The following KCNIP4 variants were observed in gnomAD, a reference collection of about 807,000 sequenced individuals.
The protein encoded by KCNIP4 is potassium voltage-gated channel interacting protein 4, also known as Kv channel-interacting protein 4.
In KCNIP4, 12 loss-of-function variants were observed where a neutral mutation model predicts 34.0. That is an observed-to-expected ratio of 0.35 (90% CI 0.23 to 0.57). The LOEUF (loss-of-function observed/expected upper bound fraction) is 0.57. KCNIP4 is among the 20% of genes least tolerant of loss of function. The pLI, the probability that KCNIP4 is intolerant of heterozygous loss-of-function variation, is 0.83. For missense variants in KCNIP4, 238 were observed against 311.7 expected, an observed-to-expected ratio of 0.76 and a Z score of 1.78; for synonymous variants, 124 against 102.2, an observed-to-expected ratio of 1.21 and a Z score of -1.29.
At chr4:20,878,714 A>G (rs1422300967) in intron 2 of KCNIP4, among the ~76,000 whole-genome samples, 1 of 152,220 alleles carries the variant, frequency 6.6e-6, no homozygotes, top group East Asian at 1.9e-4. Context: ...TATGTAAATA[A>G]GTTTACAGTA....
intron 1 of KCNIP4, among the ~76,000 whole-genome samples, chr4:21,625,350 T>C (rs1745252014): frequency 3.3e-5 from 5 of 152,084 alleles, no homozygotes; most frequent in Admixed American, 2.6e-4. Flanking sequence ...TGTCTATAAT[T>C]ACTATTTATA....
At chr4:21,278,808 C>T (rs1872458) in intron 1 of KCNIP4, among the ~76,000 whole-genome samples, 37,506 of 152,060 alleles carry the variant, frequency 0.25, 4,789 homozygotes, top group South Asian at 0.35. Flanking sequence ...GCAAATTATA[C>T]ATATACAGAA....
chr4:21,178,815 C>CTTTTTTTTTTT (rs10611485), intron 1 of KCNIP4, among the ~76,000 whole-genome samples: 8 of 136,780 alleles, frequency 5.8e-5, no homozygotes, highest in Non-Finnish European at 6.3e-5. Flanking sequence ...TAACACCAAA[C>CTTTTTTTTTTT]TTTTTTTTTT....
intron 1 of KCNIP4, among the ~76,000 whole-genome samples, chr4:21,815,491 T>C (rs963376536): frequency 6.6e-6 from 1 of 152,058 alleles, no homozygotes; most frequent in African/African-American, 2.4e-5. Context: ...GAGTTATTTA[T>C]GTAAGTGATG....
At position 21,761,185 on chromosome 4, in the gene KCNIP4, T is replaced by C. The variant is rs1372604601; in HGVS notation, c.61+187386A>G. 2.0e-5 allele frequency among the ~76,000 whole-genome samples: 3 copies of C among 152,060 alleles called. No homozygotes were observed. In the East Asian group the frequency reaches 5.8e-4, roughly 29 times the overall value. On this transcript the variant is annotated intron_variant, in intron 1 of 8. Transcript: ENST00000382152. The stretch of plus-strand genomic sequence containing the variant: ...AGCATGATCATAACTCACTATAGCC[T>C]CAAACTCCTGAGTTCAAGTGATCCA...
intron 1 of KCNIP4, among the ~76,000 whole-genome samples, chr4:21,592,853 C>T (rs149928053): frequency 6.6e-6 from 1 of 151,900 alleles, no homozygotes; most frequent in Non-Finnish European, 1.5e-5. Context: ...GTGTTTGAAG[C>T]GAGAAAGGAA....
intron 1 of KCNIP4, among the ~76,000 whole-genome samples, chr4:21,280,861 C>G (rs772841203): frequency 1.1e-4 from 16 of 152,018 alleles, no homozygotes; most frequent in Non-Finnish European, 2.1e-4. Flanking sequence ...TTATGTGGGC[C>G]ATAGTGGTTT....
intron 1 of KCNIP4, among the ~76,000 whole-genome samples, chr4:21,535,171 C>T (rs1737047646): frequency 6.6e-6 from 1 of 152,094 alleles, no homozygotes; most frequent in South Asian, 2.1e-4. Context: ...TTAAATTAGG[C>T]TTAAATCAGG....
At position 21,673,700 on chromosome 4, in the gene KCNIP4, G is replaced by A. The variant is rs571281564; in HGVS notation, c.61+274871C>T. ...ATAACTTTGAATCAACTATACTACC[G>A]TACTATACAGACTTGAACTAGCTAG... On this transcript the variant is annotated intron_variant, in intron 1 of 8. Coordinates refer to ENST00000382152, the MANE Select transcript of KCNIP4 (RefSeq NM_025221.6). Among the ~76,000 whole-genome samples, 29 of 152,114 alleles carry A rather than the reference G, an allele frequency of 1.9e-4. 1 individual carries two copies. The highest frequency in any genetic ancestry group is 6.3e-4 in the African/African-American group (26 of 41,514).
chr4:20,893,623 G>A (rs930248133), intron 1 of KCNIP4, among the ~76,000 whole-genome samples: 4 of 148,278 alleles, frequency 2.7e-5, no homozygotes, highest in Admixed American at 1.3e-4. Flanking sequence ...GGGGTCTTGC[G>A]ATGTTGCCCA....
intron 2 of KCNIP4, among the ~76,000 whole-genome samples, chr4:20,868,049 C>T (rs955507039): frequency 4.0e-5 from 6 of 151,778 alleles, no homozygotes; most frequent in African/African-American, 1.5e-4. Flanking sequence ...ATCAACAAAG[C>T]CAACAGGTAA....
chr4:21,585,289 GCCT>G (rs1359081262), intron 1 of KCNIP4, among the ~76,000 whole-genome samples: 38 of 152,034 alleles, frequency 2.5e-4, no homozygotes, highest in African/African-American at 8.9e-4. Flanking sequence ...TAGAGACCTG[GCCT>G]GGTCCAGGAA....
At chr4:21,287,614 A>G (rs2109192487) in intron 1 of KCNIP4, among the ~76,000 whole-genome samples, 1 of 152,258 alleles carries the variant, frequency 6.6e-6, no homozygotes, top group Non-Finnish European at 1.5e-5. Flanking sequence ...CCTACTAGTT[A>G]CTTACGTAAG....
At chr4:21,719,167 T>A (rs1472000144) in intron 1 of KCNIP4, 2 of 152,074 alleles carry the variant, frequency 1.3e-5, no homozygotes, top group South Asian at 2.1e-4. Flanking sequence ...CAGATACACA[T>A]CTTCAGTACA....
chr4:20,835,515 C>A (rs758578914), intron 3 of KCNIP4, among the ~76,000 whole-genome samples: 10 of 151,948 alleles, frequency 6.6e-5, no homozygotes, highest in Non-Finnish European at 1.0e-4. Flanking sequence ...TTAATCATAC[C>A]TAAAGTATTT....
intron 1 of KCNIP4, among the ~76,000 whole-genome samples, chr4:21,516,084 T>A (rs572088826): frequency 3.9e-5 from 6 of 152,182 alleles, no homozygotes; most frequent in Non-Finnish European, 8.8e-5. Context: ...AAGAAACTGG[T>A]TGATGAATGA....
intron 1 of KCNIP4, among the ~76,000 whole-genome samples, chr4:21,636,483 G>A (rs1746175415): frequency 6.6e-6 from 1 of 152,028 alleles, no homozygotes; most frequent in African/African-American, 2.4e-5. Flanking sequence ...CAAGACCCAG[G>A]CAGCACTAAA....
intron 1 of KCNIP4, among the ~76,000 whole-genome samples, chr4:21,540,475 C>T (rs980193287): frequency 3.3e-4 from 50 of 152,108 alleles, no homozygotes; most frequent in African/African-American, 1.1e-3. Context: ...AAGAGAGAGG[C>T]TCATGAGAAT....
chr4:21,936,930 T>A (rs1478752529), intron 1 of KCNIP4, among the ~76,000 whole-genome samples: 1 of 152,064 alleles, frequency 6.6e-6, no homozygotes, highest in Non-Finnish European at 1.5e-5. Context: ...TTCACCTCTA[T>A]CTCCCACCCT....
Sources: gnomAD v4.1 joint callset for allele counts (sites outside exome capture counted in the v4.1 genomes callset) on GRCh38, gnomAD v4.1.1 for gene constraint, MANE v1.5 for transcripts, NCBI Gene and HGNC (gene_info 2026-07-23, HGNC 2026-07-21) for gene names.